The following SMIM10L3 variants were observed in gnomAD, a reference collection of about 807,000 sequenced individuals.
SMIM10L3 encodes the protein salivary gland specific protein SAGSIN1.
At chr7:6,330,872 C>T in the SMIM10L3 span, 1 of 1,614,206 alleles carries the variant, frequency 6.2e-7, no homozygotes, top group Non-Finnish European at 8.5e-7. Context: ...GCTGCTGAGG[C>T]TGGATTTCTT....
At chr7:6,341,212 AGGAG>A in the SMIM10L3 span, among the ~76,000 whole-genome samples, 2 of 151,444 alleles carry the variant, frequency 1.3e-5, no homozygotes, top group Admixed American at 1.3e-4. Context: ...TGGGAGGCCA[AGGAG>A]GGTAGATCAG....
chr7:6,330,449 C>G, the SMIM10L3 span: 7 of 1,614,172 alleles, frequency 4.3e-6, no homozygotes, highest in African/African-American at 8.0e-5. Context: ...TGCAGACCAT[C>G]TGAGGTGCTT....
chr7:6,345,272 G>A, the SMIM10L3 span, among the ~76,000 whole-genome samples: 3 of 150,864 alleles, frequency 2.0e-5, no homozygotes, highest in Admixed American at 6.6e-5. Context: ...CACGCACCAC[G>A]ACACCCGGCT....
the SMIM10L3 span, among the ~76,000 whole-genome samples, chr7:6,343,806 G>A: frequency 2.5e-4 from 38 of 152,146 alleles, no homozygotes; most frequent in South Asian, 5.2e-3. Context: ...GGGAGGAGGG[G>A]CTCCCTAAAC....
At chr7:6,340,025 C>G in the SMIM10L3 span, among the ~76,000 whole-genome samples, 2 of 152,288 alleles carry the variant, frequency 1.3e-5, no homozygotes, top group East Asian at 3.9e-4. Flanking sequence ...GCTGGGATTA[C>G]AGGCATGCAC....
the SMIM10L3 span, chr7:6,330,204 T>G: frequency 4.5e-6 from 3 of 670,476 alleles, no homozygotes; most frequent in Non-Finnish European, 7.6e-6. Flanking sequence ...AAAAGTTCCT[T>G]CCGCATCAAC....
chr7:6,334,143 G>A, the SMIM10L3 span, among the ~76,000 whole-genome samples: 8 of 151,222 alleles, frequency 5.3e-5, no homozygotes, highest in East Asian at 1.2e-3. Flanking sequence ...ACCGCACCCA[G>A]CCGAACTCCT....
At chr7:6,330,891 TTC>T in the SMIM10L3 span, 1 of 1,614,204 alleles carries the variant, frequency 6.2e-7, no homozygotes, top group African/African-American at 1.3e-5. Context: ...TTCTTACTGA[TTC>T]TCTCACATAT....
At chr7:6,342,018 C>T in the SMIM10L3 span, 1 of 151,830 alleles carries the variant, frequency 6.6e-6, no homozygotes, top group Non-Finnish European at 1.5e-5. Flanking sequence ...ATTGCAAGTG[C>T]TGAAAACCTT....
the SMIM10L3 span, among the ~76,000 whole-genome samples, chr7:6,336,634 A>C: frequency 1.3e-5 from 2 of 151,678 alleles, no homozygotes; most frequent in South Asian, 4.2e-4. Context: ...CCGTGAGCCA[A>C]GATGGCACCA....
At chr7:6,345,623 T>C in the SMIM10L3 span, among the ~76,000 whole-genome samples, 3 of 152,180 alleles carry the variant, frequency 2.0e-5, no homozygotes, top group East Asian at 1.9e-4. Flanking sequence ...TTTTCTCTTA[T>C]AGCCATTCTT....
chr7:6,343,675 T>A, the SMIM10L3 span, among the ~76,000 whole-genome samples: 2 of 152,010 alleles, frequency 1.3e-5, no homozygotes, highest in Non-Finnish European at 1.5e-5. Flanking sequence ...AATAGTATTT[T>A]AAAATCATAA....
chr7:6,346,803 A>G, the SMIM10L3 span, among the ~76,000 whole-genome samples: 1 of 152,158 alleles, frequency 6.6e-6, no homozygotes, highest in African/African-American at 2.4e-5. Flanking sequence ...TGATATGGCC[A>G]AACCGACGTT....
At chr7:6,331,247 A>T in the SMIM10L3 span, 1 of 1,295,030 alleles carries the variant, frequency 7.7e-7, no homozygotes, top group South Asian at 1.5e-5. Flanking sequence ...TAGGAAAGGG[A>T]ATCAAATTAA....
the SMIM10L3 span, among the ~76,000 whole-genome samples, chr7:6,335,303 A>G: frequency 6.6e-6 from 1 of 151,096 alleles, no homozygotes; most frequent in East Asian, 2.0e-4. Context: ...GCTCACTACA[A>G]CCTCTGCCTC....
chr7:6,342,186 T>C, the SMIM10L3 span, among the ~76,000 whole-genome samples: 1 of 152,072 alleles, frequency 6.6e-6, no homozygotes, highest in Non-Finnish European at 1.5e-5. Flanking sequence ...TTCTTTCCTT[T>C]CTTTTTTCTT....
chr7:6,343,428 A>ATATATATATAT, the SMIM10L3 span, among the ~76,000 whole-genome samples: 2 of 92,186 alleles, frequency 2.2e-5, no homozygotes, highest in Non-Finnish European at 4.5e-5. Flanking sequence ...ATATATATAT[A>ATATATATATAT]TATATATATA....
the SMIM10L3 span, among the ~76,000 whole-genome samples, chr7:6,347,493 G>C: frequency 6.6e-6 from 1 of 151,576 alleles, no homozygotes; most frequent in Non-Finnish European, 1.5e-5. Flanking sequence ...TCCAGCTTGG[G>C]CAAGAGTAAG....
the SMIM10L3 span, among the ~76,000 whole-genome samples, chr7:6,343,170 A>C: frequency 1.3e-5 from 2 of 151,672 alleles, no homozygotes; most frequent in African/African-American, 2.4e-5. Context: ...TGAGGTCAGG[A>C]GTTCAAGACC....
Sources: gnomAD v4.1 joint callset for allele counts (sites outside exome capture counted in the v4.1 genomes callset) on GRCh38, gnomAD v4.1.1 for gene constraint, MANE v1.5 for transcripts, NCBI Gene and HGNC (gene_info 2026-07-23, HGNC 2026-07-21) for gene names.